The following AGR3 variants were observed in gnomAD, a reference collection of about 807,000 sequenced individuals.
The protein encoded by AGR3 is anterior gradient protein 3.
Under a neutral mutation model 24.5 loss-of-function variants are expected in AGR3, and 37 were observed. The ratio of observed to expected loss-of-function variants is 1.51; its 90% CI spans 1.16 to 1.99. AGR3 has a LOEUF of 1.99. Among genes scored for constraint, AGR3 ranks in the 30% most tolerant of loss-of-function variants. The pLI is 0.00. For synonymous variants in AGR3, 75 were observed against 61.6 expected, an observed-to-expected ratio of 1.22 and a Z score of -1.02; for missense variants, 228 against 191.1, an observed-to-expected ratio of 1.19 and a Z score of -1.14.
rs1452322776 is a variant in AGR3 at position 16,873,851 on chromosome 7, A to G, written c.110-8T>C. ...TGATGTCATCTCCCCATCCTGAAAT[A>G]GAAGAGAGAAATCAATGCAGTAACC... is the stretch of plus-strand genomic sequence containing the variant. On this transcript the variant is annotated splice_polypyrimidine_tract_variant and splice_region_variant and intron_variant, in intron 2 of 7. Coordinates refer to ENST00000310398, the MANE Select transcript of AGR3 (RefSeq NM_176813.5). 1 of 1,609,302 alleles carries G rather than the reference A, an allele frequency of 6.2e-7. No homozygotes were observed. Among genetic ancestry groups the G allele is most frequent in the Admixed American group, 1.7e-5 (1 of 60,010 alleles).
chr7:16,860,641 C>G, intron 6 of AGR3, 58 bp from the exon 7 acceptor site: 4 of 1,161,160 alleles, frequency 3.4e-6, no homozygotes, highest in Non-Finnish European at 5.1e-6. Flanking sequence ...TTTCTTTACT[C>G]TTGTAAAAAC....
In AGR3 at chr7:16,880,989, C is replaced by T. The variant is rs528917602; in HGVS notation, c.-28+955G>A. 8.2e-4 allele frequency among the ~76,000 whole-genome samples: 125 copies of T among 152,228 alleles called. No homozygotes were observed. In the South Asian group the frequency reaches 0.026, roughly 31 times the overall value. On this transcript the variant is annotated intron_variant, in intron 1 of 7. Coordinates refer to ENST00000310398, the MANE Select transcript of AGR3 (RefSeq NM_176813.5). ...GAAATTGTGTGCAAAATTTTATCTG[C>T]CTCTGTTCCTTTTCCGTGGGAATAG...
At chr7:16,873,208 G>A (rs917189926) in intron 3 of AGR3, among the ~76,000 whole-genome samples, 3 of 152,106 alleles carry the variant, frequency 2.0e-5, no homozygotes, top group African/African-American at 7.2e-5. Flanking sequence ...TCCATCAATG[G>A]ATGGATGGAT....
intron 3 of AGR3, among the ~76,000 whole-genome samples, chr7:16,870,722 A>G (rs968892505): frequency 7.9e-5 from 12 of 151,954 alleles, no homozygotes; most frequent in African/African-American, 2.9e-4. Context: ...ATCCTAAACC[A>G]CTCTGGCATT....
intron 1 of AGR3, among the ~76,000 whole-genome samples, chr7:16,879,308 C>CG (rs1329258155): frequency 1.3e-5 from 2 of 152,292 alleles, no homozygotes; most frequent in African/African-American, 2.4e-5. Flanking sequence ...GAAGAATAGA[C>CG]TGTCATGATT....
At chr7:16,862,781 A>T in intron 3 of AGR3, 119 bp from the exon 4 acceptor site, 1 of 668,986 alleles carries the variant, frequency 1.5e-6, no homozygotes, top group South Asian at 2.0e-5. Flanking sequence ...TCTCAGATTT[A>T]CAAATCATAG....
chr7:16,879,266 T>C (rs938160298), intron 1 of AGR3, among the ~76,000 whole-genome samples: 3 of 152,194 alleles, frequency 2.0e-5, no homozygotes, highest in African/African-American at 7.2e-5. Flanking sequence ...TCAAGTACTA[T>C]CATATTACTA....
chr7:16,865,190 T>A lies in AGR3; in HGVS notation c.174-2528A>T, dbSNP rs111823210. 4,047 of 753,432 alleles carry A rather than the reference T, an allele frequency of 5.4e-3. 112 individuals are homozygous for A. In the African/African-American group the frequency reaches 0.063, roughly 12 times the overall value. The allele number at this position is 753,432 out of a possible 1,614,324, so 46.7% of individuals were successfully genotyped here. On this transcript the variant is annotated intron_variant, in intron 3 of 7. Transcript: ENST00000310398. ...GACTTTCAAAAACCCTATCAGTTTTTTTTCTTTGTTTTGATTTTGACAGCG... is the reference window on the plus strand; with the variant it reads ...GACTTTCAAAAACCCTATCAGTTTTATTTCTTTGTTTTGATTTTGACAGCG...
Position 16,873,883 on chromosome 7 carries a change from T to G in AGR3, c.110-40A>C, listed in dbSNP as rs181167282. Reference sequence around the variant, plus strand: ...AGAAATCAATGCAGTAACCCAGAACTAGAGAAGAGCTCGGAAATGGGTATC... The same window carrying G: ...AGAAATCAATGCAGTAACCCAGAACGAGAGAAGAGCTCGGAAATGGGTATC... On this transcript the variant is annotated intron_variant, in intron 2 of 7. Coordinates refer to ENST00000310398, the MANE Select transcript of AGR3 (RefSeq NM_176813.5). 75 of 1,489,348 alleles carry G rather than the reference T, an allele frequency of 5.0e-5. No homozygotes were observed. The Admixed American group carries it at 6.8e-4, about 13-fold the overall frequency. 92.3% of individuals were successfully genotyped at this position (1,489,348 alleles called of 1,614,324 possible).
At chr7:16,860,452 T>G in intron 7 of AGR3, 48 bp downstream of exon 7, 1 of 1,358,748 alleles carries the variant, frequency 7.4e-7, no homozygotes, top group East Asian at 2.3e-5. Context: ...TAACAAATAG[T>G]CAGGGGTCAG....
chr7:16,864,743 G>T, intron 3 of AGR3: 1 of 1,346,652 alleles, frequency 7.4e-7, no homozygotes, highest in Non-Finnish European at 1.1e-6. Context: ...GTGTGCGAGG[G>T]TCAAAAACTT....
In AGR3 at chr7:16,862,033, T is replaced by C. The variant is rs758172888; in HGVS notation, c.254A>G (p.Glu85Gly). ...ATTCTGAGCCATTTCTTGTATTTCT[T>C]CATTTTGGGCAAATACTTTCTTTAG... is the stretch of plus-strand genomic sequence containing the variant. ...QALKKVFAQN[E>G]EIQEMAQNKF... is the part of the protein sequence containing the mutation. Residue 85 changes from glutamate (E) to glycine (G), a missense_variant, in exon 5 of 8, where the codon GAA becomes GGA. By Grantham distance (98) the Glu-to-Gly change is moderately conservative. Coordinates refer to ENST00000310398, the MANE Select transcript of AGR3 (RefSeq NM_176813.5). 1.9e-6 allele frequency: 3 copies of C among 1,613,618 alleles called. No homozygotes were observed. In the African/African-American group the frequency reaches 4.0e-5, roughly 22 times the overall value.
At chr7:16,878,443 A>C in intron 2 of AGR3, 67 bp downstream of exon 2, 2 of 1,367,500 alleles carry the variant, frequency 1.5e-6, no homozygotes, top group Middle Eastern at 1.8e-4. Context: ...CTATGAGTGA[A>C]GACACCAGAT....
At chr7:16,858,772 G>T (rs1781587114), downstream of AGR3, among the ~76,000 whole-genome samples, 1 of 152,148 alleles carries the variant, frequency 6.6e-6, no homozygotes, top group African/African-American at 2.4e-5. Context: ...TTGGGAGGCT[G>T]AGGCAGGAGA....
rs1388296725 is a variant in AGR3, at chr7:16,861,316, A to T, written c.367+68T>A. ...AGAATAGTACTTGAACTAGCATTTAAAAATAAAAGCAAGAATGCTGATTTC... is the reference window on the plus strand; with the variant it reads ...AGAATAGTACTTGAACTAGCATTTATAAATAAAAGCAAGAATGCTGATTTC... On this transcript the variant is annotated intron_variant, in intron 6 of 7. Transcript: ENST00000310398. 1.7e-5 allele frequency: 21 copies of T among 1,269,482 alleles called. No homozygotes were observed. In the East Asian group the frequency reaches 5.3e-4, roughly 32 times the overall value. The allele number at this position is 1,269,482 out of a possible 1,614,324, so 78.6% of individuals were successfully genotyped here.
At chr7:16,866,263 T>C (rs751509512) in intron 3 of AGR3, 37 of 537,896 alleles carry the variant, frequency 6.9e-5, no homozygotes, top group Non-Finnish European at 1.2e-4. Flanking sequence ...ATCCAGTCTG[T>C]TACCTTTGTG....
At chr7:16,865,469 A>C in intron 3 of AGR3, 1 of 758,622 alleles carries the variant, frequency 1.3e-6, no homozygotes, top group Non-Finnish European at 2.4e-6. Flanking sequence ...TTGAGGTAGA[A>C]TGCTCTTCCC....
chr7:16,861,348 T>G (rs1167878011), intron 6 of AGR3, 36 bp downstream of exon 6: 1 of 1,469,094 alleles, frequency 6.8e-7, no homozygotes, highest in Non-Finnish European at 9.2e-7. Flanking sequence ...TTTCTACTAA[T>G]TTTGTAGATC....
chr7:16,862,190 T>A, intron 4 of AGR3, 130 bp from the exon 5 acceptor site: 1 of 682,130 alleles, frequency 1.5e-6, no homozygotes, highest in Non-Finnish European at 2.5e-6. Context: ...AATAGTTCAT[T>A]GGCCTATTGC....
Sources: gnomAD v4.1 joint callset for allele counts (sites outside exome capture counted in the v4.1 genomes callset) on GRCh38, gnomAD v4.1.1 for gene constraint, MANE v1.5 for transcripts, NCBI Gene and HGNC (gene_info 2026-07-23, HGNC 2026-07-21) for gene names.